The following KCNC1 variants were observed in gnomAD, a reference collection of about 807,000 sequenced individuals.
The protein encoded by KCNC1 is potassium voltage-gated channel subfamily C member 1.
A neutral mutation model predicts 43.4 loss-of-function variants in KCNC1; 8 were observed. The observed-to-expected ratio is 0.18, with a 90% CI of 0.11 to 0.33. The LOEUF (loss-of-function observed/expected upper bound fraction) is 0.33. Among genes scored for constraint, KCNC1 ranks in the 10% least tolerant of loss-of-function variants. The pLI, the probability that KCNC1 is intolerant of heterozygous loss-of-function variation, is 1.00. For missense variants in KCNC1, 420 were observed against 836.0 expected, an observed-to-expected ratio of 0.50 and a Z score of 6.14; for synonymous variants, 361 against 360.5, an observed-to-expected ratio of 1.00 and a Z score of -0.01.
At position 17,773,205 on chromosome 11, in the gene KCNC1, G is replaced by T; in HGVS notation, c.1504+607G>T. ...CAGCTCGAGGTCCTTCCCAGGAGAC[G>T]CCTGTAGCCCTCCGTGACAAGCTTA... On this transcript the variant is annotated intron_variant, in intron 2 of 3. Transcript: ENST00000265969. This position sits in a 1 kb window ranked among gnomAD's most constrained non-coding sequence, Gnocchi z 4.1. 2 of 986,296 alleles carry T rather than the reference G, an allele frequency of 2.0e-6. No homozygotes were observed. Among genetic ancestry groups the T allele is most frequent in the Non-Finnish European group, 2.4e-6 (2 of 830,668 alleles). 61.1% of individuals were successfully genotyped at this position (986,296 alleles called of 1,614,324 possible).
Position 17,773,949 on chromosome 11 carries a change from TG to T in KCNC1, c.1504+1354del. ...CAGGTGGGGAAGTTTCCCCCTGGTT[TG>T]GGTGGCCTCCCCCAGTGGATGATTG... is the stretch of plus-strand genomic sequence containing the variant. On this transcript the variant is annotated intron_variant, in intron 2 of 3. Transcript: ENST00000265969. The surrounding 1 kb of genome is among the most constrained non-coding windows in gnomAD (Gnocchi z 4.1). The T allele has an allele frequency of 1.0e-6, 1 of 985,480 alleles. No homozygotes were observed. Among genetic ancestry groups the T allele is most frequent in the Non-Finnish European group, 1.2e-6 (1 of 829,980 alleles). The allele number at this position is 985,480 out of a possible 1,614,324, so 61.0% of individuals were successfully genotyped here. A position where few individuals can be genotyped will look rare whatever the true frequency, so the allele number is the denominator to read the frequency against.
Position 17,736,664 on chromosome 11 carries a change from T to C in KCNC1, c.570+92T>C. The C allele has an allele frequency of 7.0e-7, 1 of 1,437,814 alleles. No homozygotes were observed. Among genetic ancestry groups the C allele is most frequent in the Non-Finnish European group, 9.1e-7 (1 of 1,101,802 alleles). The allele number at this position is 1,437,814 out of a possible 1,614,324, so 89.1% of individuals were successfully genotyped here. On this transcript the variant is annotated intron_variant, in intron 1 of 3. Coordinates refer to ENST00000265969, the MANE Select transcript of KCNC1 (RefSeq NM_001112741.2). The surrounding 1 kb of genome is among the most constrained non-coding windows in gnomAD (Gnocchi z 9.3). Reference sequence around the variant, plus strand: ...AGGGGTGGACCGGAGAACTGGCGCCTAGGGAGTTCAGAATCGAAAGGGGGT... The same window carrying C: ...AGGGGTGGACCGGAGAACTGGCGCCCAGGGAGTTCAGAATCGAAAGGGGGT...
chr11:17,745,790 C>T (rs531721725), intron 1 of KCNC1, among the ~76,000 whole-genome samples: 17 of 152,286 alleles, frequency 1.1e-4, no homozygotes, highest in African/African-American at 3.9e-4. Context: ...GCTCTCACAC[C>T]CCCTCCAGGT....
intron 1 of KCNC1, among the ~76,000 whole-genome samples, chr11:17,766,967 C>A (rs867374741): frequency 1.3e-4 from 17 of 133,212 alleles, no homozygotes; most frequent in East Asian, 2.2e-4. Flanking sequence ...TAAAAAATAC[C>A]AAAAAAAAAA....
rs1194425071 is a variant in KCNC1, at chr11:17,779,623, C to G, written c.1672C>G (p.Pro558Ala). The change falls in exon 3 of 4, where the codon CCT becomes GCT. Residue 558 changes from proline (P) to alanine (A), a missense_variant. By Grantham distance (27) the Pro-to-Ala change is conservative (BLOSUM62 -1). Transcript: ENST00000265969. The surrounding 1 kb of genome is among the most constrained non-coding windows in gnomAD (Gnocchi z 7.2). ...ATCAACCGGGGAGTACGCGTGCCCA[C>G]CTGGTGGAGGAATGAGAAAGGGTAT... ...LLSTGEYACP[P>A]GGGMRKDLCK... 2 of 1,548,380 alleles carry G rather than the reference C, an allele frequency of 1.3e-6. No homozygotes were observed. Among genetic ancestry groups the G allele is most frequent in the South Asian group, 2.4e-5 (2 of 83,660 alleles).
At chr11:17,764,718 G>A (rs909882769) in intron 1 of KCNC1, among the ~76,000 whole-genome samples, 1 of 152,194 alleles carries the variant, frequency 6.6e-6, no homozygotes, top group Non-Finnish European at 1.5e-5. Context: ...TTGCCTGATG[G>A]TGCAGGCATT....
chr11:17,764,816 T>C (rs999948485), intron 1 of KCNC1, among the ~76,000 whole-genome samples: 1 of 143,196 alleles, frequency 7.0e-6, no homozygotes, highest in Admixed American at 6.9e-5. Context: ...CCCAGCACAC[T>C]GTGAGCATTC....
At chr11:17,758,684 G>A (rs1849045815) in intron 1 of KCNC1, among the ~76,000 whole-genome samples, 1 of 152,192 alleles carries the variant, frequency 6.6e-6, no homozygotes, top group South Asian at 2.1e-4. Flanking sequence ...TGGGTGACCA[G>A]GTGCATTGTC....
At chr11:17,775,092 A>G (rs1849270158) in intron 2 of KCNC1, 1 of 985,576 alleles carries the variant, frequency 1.0e-6, no homozygotes, top group Non-Finnish European at 1.2e-6. Flanking sequence ...GGGGGAGGCC[A>G]GGGGCAAGGA....
intron 1 of KCNC1, among the ~76,000 whole-genome samples, chr11:17,744,443 A>C (rs1848875948): frequency 6.6e-6 from 1 of 151,904 alleles, no homozygotes; most frequent in Admixed American, 6.6e-5. Flanking sequence ...TCCTGTCCTC[A>C]CTCATTCATT....
intron 1 of KCNC1, among the ~76,000 whole-genome samples, chr11:17,752,349 A>C (rs1848978266): frequency 6.6e-6 from 1 of 152,200 alleles, no homozygotes; most frequent in African/African-American, 2.4e-5. Context: ...CTCCCTGGGA[A>C]ACCAGGTCCC....
chr11:17,753,389 T>G (rs1848989857), intron 1 of KCNC1, among the ~76,000 whole-genome samples: 1 of 152,188 alleles, frequency 6.6e-6, no homozygotes, highest in Non-Finnish European at 1.5e-5. Context: ...CAGGCTACAG[T>G]CCTGGTCCCG....
intron 2 of KCNC1, chr11:17,774,847 G>A: frequency 1.0e-6 from 1 of 985,374 alleles, no homozygotes; most frequent in Non-Finnish European, 1.2e-6. Context: ...CGGTGGTGTT[G>A]GTGCTGTCCT....
rs1235400663 is a variant in KCNC1 at position 17,779,431 on chromosome 11, A to G, written c.1505-25A>G. 6.0e-6 allele frequency: 9 copies of G among 1,493,320 alleles called. No individual in the cohort carries two copies. The highest frequency in any genetic ancestry group is 2.8e-5 in the African/African-American group (2 of 70,366). The allele number at this position is 1,493,320 out of a possible 1,614,324, so 92.5% of individuals were successfully genotyped here. A position where few individuals can be genotyped will look rare whatever the true frequency, so the allele number is the denominator to read the frequency against. The stretch of plus-strand genomic sequence containing the variant: ...CCACTAAACAGTTTTCAGTGTCTCA[A>G]TAGCTTCTGCTTATATGTTTGAAGA... On this transcript the variant is annotated intron_variant, in intron 2 of 3. Coordinates refer to ENST00000265969, the MANE Select transcript of KCNC1 (RefSeq NM_001112741.2). This position sits in a 1 kb window ranked among gnomAD's most constrained non-coding sequence, Gnocchi z 7.2.
chr11:17,779,124 C>A lies in KCNC1; in HGVS notation c.1505-332C>A. 1 of 224,594 alleles carries A rather than the reference C, an allele frequency of 4.5e-6. No homozygotes were observed. The highest frequency in any genetic ancestry group is 1.6e-3 in the Middle Eastern group (1 of 636). The allele number at this position is 224,594 out of a possible 1,614,324, so 13.9% of individuals were successfully genotyped here. A position where few individuals can be genotyped will look rare whatever the true frequency, so the allele number is the denominator to read the frequency against. On this transcript the variant is annotated intron_variant, in intron 2 of 3. Transcript: ENST00000265969. The surrounding 1 kb of genome is among the most constrained non-coding windows in gnomAD (Gnocchi z 7.2). ...CTCTCCCCCATGACTGCATCCACAC[C>A]ATCCTGTTTCATCGGCCCTGCTTGG...
At chr11:17,759,471 G>T (rs752568244) in intron 1 of KCNC1, among the ~76,000 whole-genome samples, 16 of 152,090 alleles carry the variant, frequency 1.1e-4, no homozygotes, top group Non-Finnish European at 2.2e-4. Flanking sequence ...CTGACTGTTT[G>T]GTGCAAGAGG....
intron 1 of KCNC1, among the ~76,000 whole-genome samples, chr11:17,753,143 T>C (rs935114131): frequency 6.6e-5 from 10 of 152,172 alleles, no homozygotes; most frequent in African/African-American, 1.9e-4. Context: ...ATTCCAGAGA[T>C]AGAACAGGAA....
At chr11:17,764,522 G>C (rs959345302) in intron 1 of KCNC1, among the ~76,000 whole-genome samples, 1 of 152,022 alleles carries the variant, frequency 6.6e-6, no homozygotes, top group African/African-American at 2.4e-5. Context: ...TACCTACCCC[G>C]CTAACACTCC....
Position 17,773,571 on chromosome 11 carries a change from G to C in KCNC1, c.1504+973G>C. 1.0e-6 allele frequency: 1 copy of C among 984,976 alleles called. No individual in the cohort carries two copies. Among genetic ancestry groups the C allele is most frequent in the Non-Finnish European group, 1.2e-6 (1 of 829,768 alleles). The allele number at this position is 984,976 out of a possible 1,614,324, so 61.0% of individuals were successfully genotyped here. A position where few individuals can be genotyped will look rare whatever the true frequency, so the allele number is the denominator to read the frequency against. On this transcript the variant is annotated intron_variant, in intron 2 of 3. Coordinates refer to ENST00000265969, the MANE Select transcript of KCNC1 (RefSeq NM_001112741.2). The surrounding 1 kb of genome is among the most constrained non-coding windows in gnomAD (Gnocchi z 4.1). ...ATTCACTGGGGGCCGGGAGGGGGGA[G>C]GGGGGCATGAAACAATACTAGTCAC...
Sources: allele counts gnomAD v4.1 joint callset (sites outside exome capture counted in the v4.1 genomes callset), GRCh38; gene constraint gnomAD v4.1.1; non-coding constraint Gnocchi (gnomAD v3.1); transcripts MANE v1.5; gene names NCBI Gene and HGNC (gene_info 2026-07-23, HGNC 2026-07-21).